The following STAU2 variants were observed in gnomAD, a reference collection of about 807,000 sequenced individuals.
STAU2 encodes the protein double-stranded RNA-binding protein Staufen homolog 2.
A neutral mutation model predicts 65.9 loss-of-function variants in STAU2; 20 were observed. The observed-to-expected ratio is 0.30, with a 90% CI of 0.21 to 0.44. The LOEUF is 0.44. Ranked by LOEUF, STAU2 falls within the 20% of genes least tolerant of loss-of-function variation. The pLI, the probability that STAU2 is intolerant of heterozygous loss-of-function variation, is 1.00. For missense variants in STAU2, 558 were observed against 683.9 expected, an observed-to-expected ratio of 0.82 and a Z score of 2.05; for synonymous variants, 232 against 233.9, an observed-to-expected ratio of 0.99 and a Z score of 0.07.
At chr8:73,514,682 G>A (rs1198956214) in intron 13 of STAU2, among the ~76,000 whole-genome samples, 2 of 152,130 alleles carry the variant, frequency 1.3e-5, no homozygotes, top group African/African-American at 2.4e-5. Flanking sequence ...TAGCTCTTCA[G>A]TATTCATATG....
At chr8:73,703,398 C>A (rs1820261567) in intron 4 of STAU2, among the ~76,000 whole-genome samples, 1 of 152,176 alleles carries the variant, frequency 6.6e-6, no homozygotes, top group Non-Finnish European at 1.5e-5. Flanking sequence ...GTAGAGCCTG[C>A]AGAACCATGA....
intron 13 of STAU2, among the ~76,000 whole-genome samples, chr8:73,518,676 CATA>C (rs1483851900): frequency 1.6e-4 from 24 of 152,146 alleles, no homozygotes; most frequent in Non-Finnish European, 3.5e-4. Flanking sequence ...ACTCACAGGC[CATA>C]GTTTACTGAC....
In STAU2 at chr8:73,628,194, C is replaced by G. The variant is rs1174746138; in HGVS notation, c.411-10743G>C. 2.0e-5 allele frequency among the ~76,000 whole-genome samples: 3 copies of G among 151,786 alleles called. No individual in the cohort carries two copies. The East Asian group carries it at 5.8e-4, about 29-fold the overall frequency. Reference sequence around the variant, plus strand: ...GCTCAAGCAATCCTCCCATCTCAGTCTCTCAAGTAGCTGGGACCACAAGCA... The same window carrying G: ...GCTCAAGCAATCCTCCCATCTCAGTGTCTCAAGTAGCTGGGACCACAAGCA... On this transcript the variant is annotated intron_variant, in intron 6 of 14. Coordinates refer to ENST00000524300, the MANE Select transcript of STAU2 (RefSeq NM_001164380.2).
At chr8:73,463,466 A>C (rs912461291) in intron 13 of STAU2, among the ~76,000 whole-genome samples, 3 of 152,234 alleles carry the variant, frequency 2.0e-5, no homozygotes, top group African/African-American at 7.2e-5. Context: ...CTGCTTCATA[A>C]GAAAGACTAC....
chr8:73,503,739 G>A (rs562617534), intron 13 of STAU2, among the ~76,000 whole-genome samples: 2 of 152,122 alleles, frequency 1.3e-5, no homozygotes, highest in African/African-American at 2.4e-5. Flanking sequence ...GTTAATATCT[G>A]AGCATGTACT....
intron 13 of STAU2, among the ~76,000 whole-genome samples, chr8:73,516,099 A>G (rs899594880): frequency 2.0e-5 from 3 of 151,444 alleles, no homozygotes; most frequent in Non-Finnish European, 4.4e-5. Flanking sequence ...ATGCCCAACT[A>G]ATTTTTTTTT....
At chr8:73,718,611 T>A (rs1247724482) in intron 3 of STAU2, among the ~76,000 whole-genome samples, 3 of 152,218 alleles carry the variant, frequency 2.0e-5, no homozygotes, top group Non-Finnish European at 4.4e-5. Context: ...CTGCAAGTAT[T>A]GGTTTTGGGG....
intron 13 of STAU2, among the ~76,000 whole-genome samples, chr8:73,487,989 A>G (rs1585860611): frequency 1.3e-5 from 2 of 152,134 alleles, no homozygotes; most frequent in East Asian, 3.9e-4. Flanking sequence ...TACCATGAAC[A>G]AAAAAACATT....
At chr8:73,508,754 G>C (rs945901996) in intron 13 of STAU2, among the ~76,000 whole-genome samples, 1 of 152,106 alleles carries the variant, frequency 6.6e-6, no homozygotes. Flanking sequence ...ACAATATGTG[G>C]TCTCATGTCT....
At chr8:73,712,922 A>T (rs185826655) in intron 3 of STAU2, among the ~76,000 whole-genome samples, 8 of 152,308 alleles carry the variant, frequency 5.3e-5, no homozygotes, top group Non-Finnish European at 8.8e-5. Context: ...ACAGAGTGAG[A>T]TCCTCTCTCA....
At chr8:73,556,061 T>C (rs1206732682) in intron 12 of STAU2, among the ~76,000 whole-genome samples, 3 of 152,214 alleles carry the variant, frequency 2.0e-5, no homozygotes, top group African/African-American at 7.2e-5. Flanking sequence ...GTTTTATCTA[T>C]GCACTTTTTA....
At chr8:73,626,523 CAAG>C (rs1813653812) in intron 6 of STAU2, among the ~76,000 whole-genome samples, 1 of 152,016 alleles carries the variant, frequency 6.6e-6, no homozygotes, top group Admixed American at 6.6e-5. Flanking sequence ...CGAGGAGAGG[CAAG>C]AAGAGAATAG....
chr8:73,595,954 A>G (rs566400690), intron 10 of STAU2, among the ~76,000 whole-genome samples: 2 of 152,236 alleles, frequency 1.3e-5, no homozygotes, highest in African/African-American at 4.8e-5. Context: ...TCTACTAAAA[A>G]TACAAAAATT....
At chr8:73,590,984 T>G (rs925609146) in intron 11 of STAU2, 2 of 152,074 alleles carry the variant, frequency 1.3e-5, no homozygotes, top group African/African-American at 4.8e-5. Context: ...GCTGAGAGAA[T>G]GCACTGCCTA....
chr8:73,637,420 C>G (rs56722815), intron 6 of STAU2, among the ~76,000 whole-genome samples: 27,774 of 121,840 alleles, frequency 0.23, 2,946 homozygotes, highest in East Asian at 0.43. Context: ...GAGAAAAAAT[C>G]TGAGGCCAGG....
intron 6 of STAU2, among the ~76,000 whole-genome samples, chr8:73,668,583 C>T (rs1054962699): frequency 1.3e-5 from 2 of 152,130 alleles, no homozygotes; most frequent in African/African-American, 2.4e-5. Flanking sequence ...AACAAAAGCA[C>T]GAAGTGTTCT....
At chr8:73,452,228 A>G (rs1178191378) in intron 13 of STAU2, among the ~76,000 whole-genome samples, 1 of 151,918 alleles carries the variant, frequency 6.6e-6, no homozygotes, top group African/African-American at 2.4e-5. Context: ...CCTCTTCTCT[A>G]ACTCTTCTCT....
intron 4 of STAU2, among the ~76,000 whole-genome samples, chr8:73,708,809 T>C (rs1225829471): frequency 6.6e-6 from 1 of 152,188 alleles, no homozygotes; most frequent in Admixed American, 6.5e-5. Flanking sequence ...CATGTGGTTT[T>C]ATTAAGATTT....
chr8:73,678,377 T>C (rs1187419817), intron 5 of STAU2, among the ~76,000 whole-genome samples: 1 of 152,184 alleles, frequency 6.6e-6, no homozygotes, highest in Non-Finnish European at 1.5e-5. Flanking sequence ...AAATTTTTTT[T>C]TTACCAAATC....
Sources: allele counts gnomAD v4.1 joint callset (sites outside exome capture counted in the v4.1 genomes callset), GRCh38; gene constraint gnomAD v4.1.1; transcripts MANE v1.5; gene names NCBI Gene and HGNC (gene_info 2026-07-23, HGNC 2026-07-21).